The following PSMD1 variants were observed in gnomAD, a reference collection of about 807,000 sequenced individuals.
PSMD1 encodes the protein 26S proteasome non-ATPase regulatory subunit 1.
PSMD1 carries 18 observed loss-of-function variants against 119.0 expected under a neutral mutation model. The ratio of observed to expected loss-of-function variants is 0.15; its 90% confidence interval spans 0.10 to 0.22. The LOEUF (loss-of-function observed/expected upper bound fraction) is 0.22, where lower values mean the gene tolerates loss of function less well. Ranked by LOEUF, PSMD1 falls within the 10% of genes least tolerant of loss-of-function variation. The pLI, the probability that PSMD1 is intolerant of heterozygous loss-of-function variation, is 1.00. For missense variants in PSMD1, 702 were observed against 1,158.5 expected, an observed-to-expected ratio of 0.61 and a Z score of 5.72; for synonymous variants, 374 against 396.6, an observed-to-expected ratio of 0.94 and a Z score of 0.68.
chr2:231,093,813 C>T (rs1017134826), intron 16 of PSMD1, among the ~76,000 whole-genome samples: 37 of 151,658 alleles, frequency 2.4e-4, no homozygotes, highest in Non-Finnish European at 5.1e-4. Context: ...TGGGTATGTT[C>T]TACTGTCCTT....
chr2:231,109,177 C>T (rs1264070209), intron 16 of PSMD1: 1 of 1,614,206 alleles, frequency 6.2e-7, no homozygotes, highest in Non-Finnish European at 8.5e-7. Context: ...TAGACACAGT[C>T]AACCATGTTA....
At chr2:231,138,563 G>C (rs533569407) in intron 16 of PSMD1, among the ~76,000 whole-genome samples, 173 bp from the exon 17 acceptor site, 1 of 152,314 alleles carries the variant, frequency 6.6e-6, no homozygotes, top group South Asian at 2.1e-4. Context: ...TTGAAGATCA[G>C]ATTTCTTCTA....
intron 16 of PSMD1, among the ~76,000 whole-genome samples, chr2:231,122,860 AT>A (rs1695593672): frequency 6.6e-6 from 1 of 152,202 alleles, no homozygotes; most frequent in Admixed American, 6.5e-5. Context: ...GCAACTAAAC[AT>A]AATTTTTCTT....
chr2:231,103,230 T>TA (rs1442718988), intron 16 of PSMD1, among the ~76,000 whole-genome samples: 2 of 152,240 alleles, frequency 1.3e-5, no homozygotes, highest in Non-Finnish European at 2.9e-5. Flanking sequence ...TATTTCTTCT[T>TA]ACACCAGTTT....
chr2:231,084,365 T>C (rs545230176), intron 14 of PSMD1, among the ~76,000 whole-genome samples: 1 of 151,956 alleles, frequency 6.6e-6, no homozygotes, highest in East Asian at 1.9e-4. Context: ...AATATATATA[T>C]ATATATTTTT....
intron 17 of PSMD1, among the ~76,000 whole-genome samples, chr2:231,144,784 G>A (rs1456475064): frequency 2.0e-5 from 3 of 152,098 alleles, no homozygotes; most frequent in African/African-American, 4.8e-5. Context: ...GTACTTACTC[G>A]ACTTTGGGCA....
At chr2:231,169,149 G>A (rs1220092793) in intron 23 of PSMD1, among the ~76,000 whole-genome samples, 1 of 152,056 alleles carries the variant, frequency 6.6e-6, no homozygotes, top group Non-Finnish European at 1.5e-5. Context: ...ATTAGTTTTG[G>A]GATTTTTTTT....
At chr2:231,089,593 G>GGA (rs1694538125) in intron 16 of PSMD1, among the ~76,000 whole-genome samples, 1 of 145,562 alleles carries the variant, frequency 6.9e-6, no homozygotes, top group African/African-American at 2.7e-5. Flanking sequence ...AGAATTAATA[G>GGA]GATATATATA....
chr2:231,137,112 TTTTA>T (rs776480228), intron 16 of PSMD1, among the ~76,000 whole-genome samples: 242 of 147,154 alleles, frequency 1.6e-3, no homozygotes, highest in Middle Eastern at 3.6e-3. Flanking sequence ...ATATTATATA[TTTTA>T]TTTATTTATT....
At chr2:231,062,790 T>A (rs1693792240) in intron 4 of PSMD1, 115 bp downstream of exon 4, 2 of 874,748 alleles carry the variant, frequency 2.3e-6, no homozygotes, top group Non-Finnish European at 3.3e-6. Context: ...AATTGGAAGT[T>A]CCTAATCTTT....
chr2:231,146,139 G>A lies in PSMD1; in HGVS notation c.1999-101G>A, dbSNP rs150385730. 1,527 of 764,062 alleles carry A rather than the reference G, an allele frequency of 2.0e-3. 13 individuals carry two copies. Among genetic ancestry groups the A allele is most frequent in the Middle Eastern group, 5.6e-3 (24 of 4,262 alleles). The allele number at this position is 764,062 out of a possible 1,614,324, so 47.3% of individuals were successfully genotyped here. On this transcript the variant is annotated intron_variant, in intron 17 of 24. Transcript: ENST00000308696. ...GGGACTACCATCATATATGCAGTGT[G>A]TCACTTCCCAGAATGTCGTTACATG... is the stretch of plus-strand genomic sequence containing the variant.
Position 231,079,477 on chromosome 2 carries a change from A to G in PSMD1, c.1161-59A>G, listed in dbSNP as rs181863359. The G allele has an allele frequency of 3.8e-5, 46 of 1,213,300 alleles. No individual in the cohort carries two copies. The East Asian group carries it at 1.1e-3, about 28-fold the overall frequency. The allele number at this position is 1,213,300 out of a possible 1,614,324, so 75.2% of individuals were successfully genotyped here. Reference sequence around the variant, plus strand: ...TAATGCTTTTAACCTTAGAGTTAAAAAGCTTTAAGGAATTCATTTGTTTTA... The same window carrying G: ...TAATGCTTTTAACCTTAGAGTTAAAGAGCTTTAAGGAATTCATTTGTTTTA... On this transcript the variant is annotated intron_variant, in intron 10 of 24. Coordinates refer to ENST00000308696, the MANE Select transcript of PSMD1 (RefSeq NM_002807.4).
chr2:231,151,043 A>T (rs969196629), intron 18 of PSMD1, among the ~76,000 whole-genome samples: 13 of 152,200 alleles, frequency 8.5e-5, no homozygotes, highest in African/African-American at 3.1e-4. Flanking sequence ...GGTAGATTTT[A>T]AATACTCCTA....
intron 16 of PSMD1, among the ~76,000 whole-genome samples, chr2:231,091,354 G>A (rs1236648635): frequency 6.6e-6 from 1 of 152,156 alleles, no homozygotes; most frequent in East Asian, 1.9e-4. Context: ...ACTGCCTTCA[G>A]CTAAATCCTC....
intron 16 of PSMD1, among the ~76,000 whole-genome samples, chr2:231,104,649 C>A (rs1694938479): frequency 6.6e-6 from 1 of 151,948 alleles, no homozygotes; most frequent in South Asian, 2.1e-4. Flanking sequence ...AAATTGAATT[C>A]CAAAATGTTT....
chr2:231,061,399 A>T (rs186460851), intron 2 of PSMD1, 89 bp downstream of exon 2: 51 of 1,155,726 alleles, frequency 4.4e-5, no homozygotes, highest in Non-Finnish European at 5.7e-5. Flanking sequence ...CCATCATTTA[A>T]AGTTGCTGTC....
In PSMD1 at chr2:231,165,973, G is replaced by T. The variant is rs1270071917; in HGVS notation, c.2671G>T (p.Val891Phe). Reference protein sequence around the residue: ...PARVMPAQLKVLTMPETCRYQ... With the variant: ...PARVMPAQLKFLTMPETCRYQ... ...CCGAGTTATGCCTGCCCAGCTTAAGGTCCTAACCATGCCGGAGACCTGTAG... is the reference window on the plus strand; with the variant it reads ...CCGAGTTATGCCTGCCCAGCTTAAGTTCCTAACCATGCCGGAGACCTGTAG... Residue 891 changes from valine (V) to phenylalanine (F), a missense_variant, in exon 23 of 25, where the codon GTC becomes TTC. This residue lies in a region of PSMD1 where 152 missense variants were observed against 239.3 expected (regional missense o/e 0.64). Coordinates refer to ENST00000308696, the MANE Select transcript of PSMD1 (RefSeq NM_002807.4). The T allele has an allele frequency of 6.2e-7, 1 of 1,613,922 alleles. No homozygotes were observed. The highest frequency in any genetic ancestry group is 8.5e-7 in the Non-Finnish European group (1 of 1,179,892).
chr2:231,143,120 T>C (rs922218478), intron 17 of PSMD1, among the ~76,000 whole-genome samples: 11 of 151,940 alleles, frequency 7.2e-5, no homozygotes, highest in African/African-American at 2.7e-4. Context: ...GGTTTTTTGT[T>C]GTTTTTCTTG....
intron 16 of PSMD1, among the ~76,000 whole-genome samples, chr2:231,124,445 C>T (rs1695667124): frequency 6.6e-6 from 1 of 152,064 alleles, no homozygotes; most frequent in Non-Finnish European, 1.5e-5. Context: ...TGGCCACCCA[C>T]CTAGAAACAC....
Sources: gnomAD v4.1 joint callset for allele counts (sites outside exome capture counted in the v4.1 genomes callset) on GRCh38, gnomAD v4.1.1 for gene constraint, gnomAD v4.1.1 regional missense constraint, MANE v1.5 for transcripts, NCBI Gene and HGNC (gene_info 2026-07-23, HGNC 2026-07-21) for gene names.